Variants in CDYL observed in about 807,000 individuals in gnomAD.
CDYL encodes chromodomain Y like, also known as chromodomain Y-like protein.
In CDYL, 8 loss-of-function variants were observed where a neutral mutation model predicts 47.3. That is an observed-to-expected ratio of 0.17 (90% CI 0.10 to 0.31). CDYL has a LOEUF of 0.31. Among genes scored for constraint, CDYL ranks in the 10% least tolerant of loss-of-function variants. The probability of loss-of-function intolerance (pLI) is 1.00; values close to 1 mark genes in which losing one functional copy is unlikely to be tolerated. For missense variants in CDYL, 471 were observed against 701.4 expected (o/e 0.67, Z 3.71); for synonymous variants, 266 against 265.0 (o/e 1.00, Z -0.04).
At chr6:4,737,246 A>C (rs1757719187) in intron 3 of CDYL, among the ~76,000 whole-genome samples, 1 of 152,220 alleles carries the variant, frequency 6.6e-6, no homozygotes, top group Non-Finnish European at 1.5e-5. Flanking sequence ...TTCTAAGTAT[A>C]AAAGTAATAG....
chr6:4,738,862 A>T (rs1340581304), intron 3 of CDYL, among the ~76,000 whole-genome samples: 2 of 152,224 alleles, frequency 1.3e-5, no homozygotes, highest in African/African-American at 4.8e-5. Context: ...GACATCAAGG[A>T]ATTATTAAAA....
At chr6:4,894,562 A>T (rs1237592992) in intron 2 of CDYL, among the ~76,000 whole-genome samples, 1 of 152,192 alleles carries the variant, frequency 6.6e-6, no homozygotes, top group Non-Finnish European at 1.5e-5. Context: ...ACCATCCATT[A>T]CTATGAATGA....
At chr6:4,754,859 A>C (rs1273685555) in intron 3 of CDYL, among the ~76,000 whole-genome samples, 1 of 152,180 alleles carries the variant, frequency 6.6e-6, no homozygotes, top group Admixed American at 6.5e-5. Flanking sequence ...AATCATTCCA[A>C]ATTCCTGAAA....
chr6:4,745,270 A>G (rs1005882125), intron 3 of CDYL, among the ~76,000 whole-genome samples: 1 of 152,200 alleles, frequency 6.6e-6, no homozygotes, highest in African/African-American at 2.4e-5. Context: ...TACCCCAGCC[A>G]TACTTTACTA....
intron 2 of CDYL, among the ~76,000 whole-genome samples, chr6:4,723,010 A>T (rs1757400891): frequency 6.6e-6 from 1 of 152,200 alleles, no homozygotes; most frequent in Non-Finnish European, 1.5e-5. Flanking sequence ...ACTGAATTAA[A>T]CAGCCTTTAT....
intron 1 of CDYL, among the ~76,000 whole-genome samples, chr6:4,816,498 CTTTTTT>C (rs1332068497): frequency 7.8e-6 from 1 of 127,642 alleles, no homozygotes; most frequent in African/African-American, 3.0e-5. Context: ...TTCTTTCTTT[CTTTTTT>C]TTTTTTTTTT....
chr6:4,774,530 C>T (rs1758388306), upstream of CDYL: 1 of 152,182 alleles, frequency 6.6e-6, no homozygotes, highest in African/African-American at 2.4e-5. Context: ...GGCGCCTTGA[C>T]CAGTTGATGA....
intron 3 of CDYL, among the ~76,000 whole-genome samples, chr6:4,750,893 C>T (rs376122533): frequency 8.0e-5 from 12 of 150,360 alleles, no homozygotes; most frequent in African/African-American, 1.5e-4. Flanking sequence ...TGCTCTGTCA[C>T]CTAGGCTGGA....
intron 1 of CDYL, among the ~76,000 whole-genome samples, chr6:4,712,564 T>A (rs1189468754): frequency 6.6e-6 from 1 of 152,188 alleles, no homozygotes; most frequent in Non-Finnish European, 1.5e-5. Context: ...AGGACACTTG[T>A]GACAGGACAG....
intron 5 of CDYL, among the ~76,000 whole-genome samples, chr6:4,949,721 T>C (rs889501719): frequency 2.0e-5 from 3 of 152,246 alleles, no homozygotes; most frequent in Non-Finnish European, 2.9e-5. Context: ...TTGAAACTAC[T>C]GAAAATAGTG....
chr6:4,750,531 G>T (rs1445572640), intron 3 of CDYL, among the ~76,000 whole-genome samples: 2 of 152,138 alleles, frequency 1.3e-5, no homozygotes, highest in Non-Finnish European at 2.9e-5. Flanking sequence ...GCTGGGAATG[G>T]TGGCACATGT....
chr6:4,829,636 C>T (rs1453489173), intron 1 of CDYL, among the ~76,000 whole-genome samples: 2 of 152,160 alleles, frequency 1.3e-5, no homozygotes, highest in Non-Finnish European at 2.9e-5. Flanking sequence ...CTGGGGGTGC[C>T]TGTGGACTTG....
At chr6:4,890,804 C>T (rs1431684124) in intron 1 of CDYL, among the ~76,000 whole-genome samples, 1 of 152,226 alleles carries the variant, frequency 6.6e-6, no homozygotes, top group Non-Finnish European at 1.5e-5. Context: ...GGCCTCTGCC[C>T]ACAAGATACA....
At chr6:4,732,970 A>G (rs1757636919) in intron 2 of CDYL, among the ~76,000 whole-genome samples, 1 of 152,180 alleles carries the variant, frequency 6.6e-6, no homozygotes, top group African/African-American at 2.4e-5. Flanking sequence ...AAGAAACGTC[A>G]GCAAATCCAT....
intron 1 of CDYL, among the ~76,000 whole-genome samples, chr6:4,802,409 A>C (rs189835191): frequency 3.3e-4 from 50 of 152,184 alleles, no homozygotes; most frequent in African/African-American, 1.1e-3. Flanking sequence ...GTGTGATGGC[A>C]GTGTGTGTAG....
chr6:4,948,416 C>T (rs1439703218), intron 5 of CDYL, among the ~76,000 whole-genome samples: 1 of 152,186 alleles, frequency 6.6e-6, no homozygotes, highest in African/African-American at 2.4e-5. Context: ...AATGCCTGCC[C>T]TCTGGTCAGC....
chr6:4,883,426 T>C (rs906011555), intron 1 of CDYL, among the ~76,000 whole-genome samples: 3 of 152,140 alleles, frequency 2.0e-5, no homozygotes, highest in African/African-American at 7.2e-5. Flanking sequence ...CTTTGACCCA[T>C]GCGGAGAATT....
At chr6:4,819,156 C>CTGTGTGTGTGTG (rs1261981708) in intron 1 of CDYL, among the ~76,000 whole-genome samples, 3 of 131,120 alleles carry the variant, frequency 2.3e-5, no homozygotes, top group African/African-American at 1.2e-4. Context: ...CTCTCTCTCT[C>CTGTGTGTGTGTG]TCTCTCTGTG....
chr6:4,904,421 T>G (rs1227822562), intron 2 of CDYL, among the ~76,000 whole-genome samples: 1 of 152,244 alleles, frequency 6.6e-6, no homozygotes, highest in Non-Finnish European at 1.5e-5. Flanking sequence ...ATTTTAAAGC[T>G]TATCTCCAAA....
Sources: gnomAD v4.1 joint callset for allele counts (sites outside exome capture counted in the v4.1 genomes callset) on GRCh38, gnomAD v4.1.1 for gene constraint, MANE v1.5 for transcripts, NCBI Gene and HGNC (gene_info 2026-07-23, HGNC 2026-07-21) for gene names.